Variants in DTNBP1 observed in about 807,000 individuals in gnomAD.
The protein encoded by DTNBP1 is dysbindin.
A neutral mutation model predicts 42.8 loss-of-function variants in DTNBP1; 35 were observed. That is an observed-to-expected ratio of 0.82 (90% CI 0.63 to 1.09). The LOEUF is 1.09. DTNBP1 is among the 50% of genes least tolerant of loss of function. DTNBP1 has a pLI of 0.00. For missense variants in DTNBP1, 457 were observed against 424.2 expected (o/e 1.08, Z -0.68); for synonymous variants, 171 against 162.2 (o/e 1.05, Z -0.41).
At chr6:15,629,368 A>G (rs1018237924) in intron 4 of DTNBP1, among the ~76,000 whole-genome samples, 3 of 152,160 alleles carry the variant, frequency 2.0e-5, no homozygotes, top group African/African-American at 7.2e-5. Context: ...AAAACTCTAG[A>G]ATAAATAATT....
At chr6:15,585,807 G>C in intron 7 of DTNBP1, 2 of 1,514,576 alleles carry the variant, frequency 1.3e-6, no homozygotes, top group Non-Finnish European at 1.8e-6. Context: ...TGCTGGTCAA[G>C]TGAAGCCTCC....
chr6:15,526,299 G>T (rs1037512470), intron 8 of DTNBP1, among the ~76,000 whole-genome samples: 1 of 152,162 alleles, frequency 6.6e-6, no homozygotes, highest in Non-Finnish European at 1.5e-5. Context: ...ACCTGGAATG[G>T]AACAGTCATA....
chr6:15,535,465 C>T (rs1385446604), intron 7 of DTNBP1, among the ~76,000 whole-genome samples: 7 of 151,952 alleles, frequency 4.6e-5, no homozygotes, highest in Non-Finnish European at 8.8e-5. Context: ...TACAGGAGCA[C>T]GCCACTATGC....
chr6:15,551,077 C>T (rs1774184028), intron 7 of DTNBP1, among the ~76,000 whole-genome samples: 1 of 152,090 alleles, frequency 6.6e-6, no homozygotes, highest in African/African-American at 2.4e-5. Context: ...ATTAGTTTAT[C>T]AGGACCTCTC....
In DTNBP1 at chr6:15,587,842, T is replaced by C. The variant is rs1453363640; in HGVS notation, c.511+5217A>G. ...AGACCTAAATGTAAGAGCTAACTAG[T>C]GTTGTCAAGGATGAGGAGAAACTGC... On this transcript the variant is annotated intron_variant, in intron 7 of 9. Transcript: ENST00000344537. This position sits in a 1 kb window ranked among gnomAD's most constrained non-coding sequence, Gnocchi z 4.1. Among the ~76,000 whole-genome samples, 7 of 152,128 alleles carry C rather than the reference T, an allele frequency of 4.6e-5. No homozygotes were observed. The highest frequency in any genetic ancestry group is 1.7e-4 in the African/African-American group (7 of 41,414).
intron 6 of DTNBP1, among the ~76,000 whole-genome samples, chr6:15,597,220 T>G (rs964072833): frequency 1.3e-5 from 2 of 152,182 alleles, no homozygotes; most frequent in Admixed American, 1.3e-4. Context: ...TAGATTATAG[T>G]GCTTTGGTAA....
At chr6:15,524,366 A>G (rs908648875) in intron 9 of DTNBP1, 160 bp downstream of exon 9, 1 of 1,613,630 alleles carries the variant, frequency 6.2e-7, no homozygotes, top group Non-Finnish European at 8.5e-7. Context: ...TGCAGCTGCC[A>G]CACAGCCGTG....
intron 5 of DTNBP1, among the ~76,000 whole-genome samples, chr6:15,625,330 G>C (rs1240514508): frequency 6.6e-6 from 1 of 152,130 alleles, no homozygotes; most frequent in East Asian, 1.9e-4. Context: ...AGACATAGAT[G>C]AGAGGAAAAA....
At chr6:15,534,477 C>G (rs530737927) in intron 7 of DTNBP1, among the ~76,000 whole-genome samples, 202 of 151,950 alleles carry the variant, frequency 1.3e-3, no homozygotes, top group African/African-American at 4.7e-3. Context: ...TATGGTAAAA[C>G]CGTAAAACCC....
intron 7 of DTNBP1, among the ~76,000 whole-genome samples, chr6:15,581,736 C>G (rs1029105506): frequency 6.6e-6 from 1 of 152,054 alleles, no homozygotes; most frequent in Non-Finnish European, 1.5e-5. Context: ...CCTTGGCCCC[C>G]CAAAAGTGTT....
intron 6 of DTNBP1, among the ~76,000 whole-genome samples, chr6:15,595,901 C>T (rs1776498132): frequency 6.6e-6 from 1 of 152,114 alleles, no homozygotes; most frequent in African/African-American, 2.4e-5. Context: ...TTCTCAGTGC[C>T]AGGCTAAAAT....
intron 7 of DTNBP1, among the ~76,000 whole-genome samples, chr6:15,555,498 G>C (rs1774461803): frequency 6.6e-6 from 1 of 152,120 alleles, no homozygotes; most frequent in Non-Finnish European, 1.5e-5. Flanking sequence ...AAAGAAGCCT[G>C]CCAAAACCCA....
chr6:15,524,249 G>T (rs742106), intron 9 of DTNBP1: 1 of 1,584,126 alleles, frequency 6.3e-7, no homozygotes, highest in Non-Finnish European at 8.6e-7. Context: ...GGATTTCTGG[G>T]TGGTAAAGGA....
At chr6:15,568,659 C>T (rs1581335964) in intron 7 of DTNBP1, among the ~76,000 whole-genome samples, 2 of 152,284 alleles carry the variant, frequency 1.3e-5, no homozygotes, top group Admixed American at 1.3e-4. Context: ...CCTCCTCTTA[C>T]TCTATGTGAA....
intron 8 of DTNBP1, 120 bp downstream of exon 8, chr6:15,533,118 GGT>G: frequency 4.7e-6 from 7 of 1,481,282 alleles, no homozygotes; most frequent in Non-Finnish European, 6.4e-6. Context: ...TGGTTGCTGG[GGT>G]CTCATAACAG....
intron 6 of DTNBP1, among the ~76,000 whole-genome samples, chr6:15,593,912 T>G (rs1461923156): frequency 6.6e-6 from 1 of 152,210 alleles, no homozygotes; most frequent in East Asian, 1.9e-4. Context: ...TTTTGAATTC[T>G]TAAATCAATT....
chr6:15,545,894 T>C, intron 7 of DTNBP1: 1 of 321,662 alleles, frequency 3.1e-6, no homozygotes, highest in Non-Finnish European at 6.3e-6. Context: ...TTAGCTTTTA[T>C]GGGAAGGGCA....
intron 6 of DTNBP1, among the ~76,000 whole-genome samples, chr6:15,610,546 C>T (rs114331375): frequency 0.012 from 1,764 of 152,254 alleles, 12 homozygotes; most frequent in Middle Eastern, 0.031. Context: ...GAAGGCATGT[C>T]GAAAGCCAAG....
At chr6:15,566,701 CTTTTTTT>C (rs368168358) in intron 7 of DTNBP1, among the ~76,000 whole-genome samples, 3 of 132,978 alleles carry the variant, frequency 2.3e-5, no homozygotes, top group Admixed American at 7.7e-5. Context: ...AATGAATCTC[CTTTTTTT>C]TTTTTTTTTT....
Sources: gnomAD v4.1 joint callset for allele counts (sites outside exome capture counted in the v4.1 genomes callset) on GRCh38, gnomAD v4.1.1 for gene constraint, Gnocchi (gnomAD v3.1) non-coding constraint, MANE v1.5 for transcripts, NCBI Gene and HGNC (gene_info 2026-07-23, HGNC 2026-07-21) for gene names.